The following VTI1B variants were observed in gnomAD, a reference collection of about 807,000 sequenced individuals.
The protein encoded by VTI1B is vesicle transport through interaction with t-SNAREs 1B.
VTI1B carries 18 observed loss-of-function variants against 28.6 expected under a neutral mutation model. That is an observed-to-expected ratio of 0.63 (90% CI 0.43 to 0.93). The LOEUF (loss-of-function observed/expected upper bound fraction) is 0.93. Ranked by LOEUF, VTI1B falls within the 40% of genes least tolerant of loss-of-function variation. VTI1B has a pLI of 0.00. For synonymous variants in VTI1B, 100 were observed against 107.9 expected, an observed-to-expected ratio of 0.93 and a Z score of 0.46; for missense variants, 283 against 297.0, an observed-to-expected ratio of 0.95 and a Z score of 0.35.
chr14:67,672,406 A>G (rs896725378), intron 1 of VTI1B, among the ~76,000 whole-genome samples: 1 of 150,528 alleles, frequency 6.6e-6, no homozygotes, highest in East Asian at 1.9e-4. Context: ...GGTGTGAGCC[A>G]CCATGCCTGG....
Position 67,662,468 on chromosome 14 carries a change from T to A in VTI1B, c.174+9A>T, listed in dbSNP as rs775524810. The A allele has an allele frequency of 6.2e-7, 1 of 1,612,526 alleles. No individual in the cohort carries two copies. Among genetic ancestry groups the A allele is most frequent in the Non-Finnish European group, 8.5e-7 (1 of 1,179,388 alleles). ...GGTAGAAGAAACAAAATTTGTTCCT[T>A]GTTCTCACCGTTTCATTTGCTTCCT... On this transcript the variant is annotated intron_variant, in intron 2 of 5. Coordinates refer to ENST00000554659, the MANE Select transcript of VTI1B (RefSeq NM_006370.3).
chr14:67,674,440 A>C lies in VTI1B; in HGVS notation c.50T>G (p.Ile17Ser). Reference sequence around the variant, plus strand: ...TAGGTCTTCATGGAGGCCGCGGAAGATCTCGTGCAGCTTCTCGAAATGCTC... The same window carrying C: ...TAGGTCTTCATGGAGGCCGCGGAAGCTCTCGTGCAGCTTCTCGAAATGCTC... ...SSEHFEKLHE[I>S]FRGLHEDLQG... The change falls in exon 1 of 6, where the codon ATC becomes AGC. Residue 17 changes from isoleucine (I) to serine (S), a missense_variant. Transcript: ENST00000554659. 6.2e-7 allele frequency: 1 copy of C among 1,609,548 alleles called. No individual in the cohort carries two copies. The highest frequency in any genetic ancestry group is 8.5e-7 in the Non-Finnish European group (1 of 1,178,968).
rs761723228 is a variant in VTI1B, at chr14:67,674,439, G to A, written c.51C>T (p.Ile17=). 8.7e-6 allele frequency: 14 copies of A among 1,609,702 alleles called. No homozygotes were observed. The highest frequency in any genetic ancestry group is 1.1e-5 in the Non-Finnish European group (13 of 1,179,042). ...GTAGGTCTTCATGGAGGCCGCGGAAGATCTCGTGCAGCTTCTCGAAATGCT... is the reference window on the plus strand; with the variant it reads ...GTAGGTCTTCATGGAGGCCGCGGAAAATCTCGTGCAGCTTCTCGAAATGCT... The part of the protein sequence containing the change: ...SSEHFEKLHE[I]FRGLHEDLQG... Residue 17 remains isoleucine (I), a synonymous_variant, in exon 1 of 6, where the codon ATC becomes ATT. Transcript: ENST00000554659.
intron 2 of VTI1B, among the ~76,000 whole-genome samples, chr14:67,660,854 C>T (rs1287649213): frequency 1.3e-5 from 2 of 152,074 alleles, no homozygotes; most frequent in African/African-American, 4.8e-5. Flanking sequence ...AAAAATGCTA[C>T]CAAGGTATTA....
chr14:67,656,623 T>C (rs1594835436), intron 3 of VTI1B, 34 bp from the exon 4 acceptor site: 16 of 1,574,124 alleles, frequency 1.0e-5, no homozygotes, highest in East Asian at 2.3e-5. Flanking sequence ...TGTTAGACTT[T>C]TTCCATTATA....
rs764198286 is a variant in VTI1B at position 67,672,447 on chromosome 14, C to CTTT, written c.115+1925_115+1927dup. Among the ~76,000 whole-genome samples the CTTT allele has an allele frequency of 5.7e-3, 663 of 116,814 alleles. 10 individuals are homozygous for CTTT. Among genetic ancestry groups the CTTT allele is most frequent in the Middle Eastern group, 0.019 (4 of 216 alleles). 76.6% of individuals were successfully genotyped at this position (116,814 alleles called of 152,430 possible). A position where few individuals can be genotyped will look rare whatever the true frequency, so the allele number is the denominator to read the frequency against. On this transcript the variant is annotated intron_variant, in intron 1 of 5. Coordinates refer to ENST00000554659, the MANE Select transcript of VTI1B (RefSeq NM_006370.3). ...AGTCTACTTTTTTTTCTTTTCTTTTCTTTTTTTTTTTTTTTTGATACAGAG... is the reference window on the plus strand; with the variant it reads ...AGTCTACTTTTTTTTCTTTTCTTTTCTTTTTTTTTTTTTTTTTTTGATACAGAG...
chr14:67,662,925 T>G, intron 1 of VTI1B: 1 of 1,165,804 alleles, frequency 8.6e-7, no homozygotes. Flanking sequence ...AAAAAAAGAA[T>G]GTTTACCAAT....
chr14:67,651,393 T>C lies in VTI1B; in HGVS notation c.691A>G (p.Ser231Gly). The change falls in exon 6 of 6, where the codon AGC becomes GGC. Residue 231 changes from serine to glycine, a missense_variant. By Grantham distance (56) the Ser-to-Gly change is moderately conservative. Transcript: ENST00000554659. ...GGLVYYKFFR[S>G]H ...CCCTTCCCTATAGAAGTTCAATGGC[T>C]GCGAAAGAATTTGTAGTAAACCAGG... is the stretch of plus-strand genomic sequence containing the variant. 2 of 1,613,828 alleles carry C rather than the reference T, an allele frequency of 1.2e-6. No individual in the cohort carries two copies. Among genetic ancestry groups the C allele is most frequent in the African/African-American group, 1.3e-5 (1 of 75,028 alleles).
Position 67,656,464 on chromosome 14 carries a change from T to C in VTI1B, c.492A>G (p.Ile164Met). The change falls in exon 4 of 6, where the codon ATA becomes ATG. Residue 164 changes from isoleucine to methionine, a missense_variant. By Grantham distance (10) the Ile-to-Met change is conservative (BLOSUM62 1). Coordinates refer to ENST00000554659, the MANE Select transcript of VTI1B (RefSeq NM_006370.3). ...GGTCTCGTTGTTCCCCCAGCTCTTC[T>C]ATGATTTCTGAGCCAATCTGGTCAG... ...TETDQIGSEI[I>M]EELGEQRDQL... 1.9e-6 allele frequency: 3 copies of C among 1,613,834 alleles called. No individual in the cohort carries two copies. Among genetic ancestry groups the C allele is most frequent in the Non-Finnish European group, 2.5e-6 (3 of 1,179,854 alleles).
At position 67,651,432 on chromosome 14, in the gene VTI1B, C is replaced by T. The variant is rs780495647; in HGVS notation, c.652G>A (p.Ala218Thr). The T allele has an allele frequency of 2.0e-4, 316 of 1,613,816 alleles. No individual in the cohort carries two copies. Among genetic ancestry groups the T allele is most frequent in the Non-Finnish European group, 2.4e-4 (279 of 1,179,842 alleles). ...LLSIIILLEL[A>T]ILGGLVYYKF... Reference sequence around the variant, plus strand: ...TAGTAAACCAGGCCTCCCAGGATGGCGAGCTCCAGTAAGATGATAATGGAA... The same window carrying T: ...TAGTAAACCAGGCCTCCCAGGATGGTGAGCTCCAGTAAGATGATAATGGAA... The change falls in exon 6 of 6, where the codon GCC becomes ACC. Residue 218 changes from alanine (A) to threonine (T), a missense_variant. Transcript: ENST00000554659.
chr14:67,666,754 T>C (rs992358326), intron 1 of VTI1B, among the ~76,000 whole-genome samples: 1 of 152,112 alleles, frequency 6.6e-6, no homozygotes, highest in South Asian at 2.1e-4. Context: ...CCCACAGTCA[T>C]TGGAACAGCA....
chr14:67,655,861 T>A lies in VTI1B; in HGVS notation c.540+555A>T, dbSNP rs942306258. ...GAAATCAGGTCCTTCCATCTTTTTT[T>A]CCCCTCACTGAAGCAAAAATTTCCA... is the stretch of plus-strand genomic sequence containing the variant. On this transcript the variant is annotated intron_variant, in intron 4 of 5. Transcript: ENST00000554659. Among the ~76,000 whole-genome samples, 3 of 152,252 alleles carry A rather than the reference T, an allele frequency of 2.0e-5. No homozygotes were observed. The South Asian group carries it at 6.2e-4, about 32-fold the overall frequency.
chr14:67,655,286 T>G (rs1192022367), intron 4 of VTI1B, among the ~76,000 whole-genome samples: 1 of 149,460 alleles, frequency 6.7e-6, no homozygotes, highest in Non-Finnish European at 1.5e-5. Context: ...AAAATTGCAC[T>G]GCTGCACTCC....
intron 4 of VTI1B, among the ~76,000 whole-genome samples, chr14:67,655,223 G>A (rs748213812): frequency 3.3e-5 from 5 of 151,430 alleles, no homozygotes; most frequent in South Asian, 4.2e-4. Flanking sequence ...TGCCTGTATC[G>A]CAGCTACACA....
intron 1 of VTI1B, among the ~76,000 whole-genome samples, chr14:67,664,457 C>G (rs958033368): frequency 6.6e-6 from 1 of 151,948 alleles, no homozygotes; most frequent in African/African-American, 2.4e-5. Flanking sequence ...CAATGTGACT[C>G]CTAAACACAA....
chr14:67,652,597 C>T (rs1292814561), intron 5 of VTI1B: 1 of 152,224 alleles, frequency 6.6e-6, no homozygotes. Context: ...CTGACAGTGC[C>T]AGCAGATTCT....
At chr14:67,655,611 G>A (rs2037245710) in intron 4 of VTI1B, among the ~76,000 whole-genome samples, 1 of 151,670 alleles carries the variant, frequency 6.6e-6, no homozygotes, top group Non-Finnish European at 1.5e-5. Context: ...ATAAACTGTG[G>A]TACTATTTTA....
chr14:67,672,506 C>G (rs2037480058), intron 1 of VTI1B, among the ~76,000 whole-genome samples: 1 of 140,400 alleles, frequency 7.1e-6, no homozygotes, highest in African/African-American at 2.6e-5. Context: ...AGTTCAGTGG[C>G]ATGATCTCGG....
rs1377655177 is a variant in VTI1B at position 67,659,939 on chromosome 14, T to C, written c.175-17A>G. ...CTCTGCCAGCTGGGAAGGCAGAAAGTAGTGAGCAGATAGCCTGGTTCTTCC... is the reference window on the plus strand; with the variant it reads ...CTCTGCCAGCTGGGAAGGCAGAAAGCAGTGAGCAGATAGCCTGGTTCTTCC... On this transcript the variant is annotated splice_polypyrimidine_tract_variant and intron_variant, in intron 2 of 5. Coordinates refer to ENST00000554659, the MANE Select transcript of VTI1B (RefSeq NM_006370.3). 1.4e-5 allele frequency: 22 copies of C among 1,609,172 alleles called. No homozygotes were observed. The highest frequency in any genetic ancestry group is 2.2e-5 in the East Asian group (1 of 44,788).
Sources: gnomAD v4.1 joint callset for allele counts (sites outside exome capture counted in the v4.1 genomes callset) on GRCh38, gnomAD v4.1.1 for gene constraint, MANE v1.5 for transcripts, NCBI Gene and HGNC (gene_info 2026-07-23, HGNC 2026-07-21) for gene names.